The following COLEC12 variants were observed in gnomAD, a reference collection of about 807,000 sequenced individuals.
COLEC12 encodes collectin-12.
COLEC12 carries 33 observed loss-of-function variants against 71.1 expected under a neutral mutation model. The observed-to-expected ratio is 0.46, with a 90% CI of 0.35 to 0.62. The LOEUF (loss-of-function observed/expected upper bound fraction) is 0.62. Among genes scored for constraint, COLEC12 ranks in the 20% least tolerant of loss-of-function variants. The probability of loss-of-function intolerance (pLI) is 0.00; values close to 1 mark genes in which losing one functional copy is unlikely to be tolerated. For missense variants in COLEC12, 765 were observed against 916.1 expected (o/e 0.84, Z 2.13); for synonymous variants, 350 against 353.0 (o/e 0.99, Z 0.10).
intron 2 of COLEC12, among the ~76,000 whole-genome samples, chr18:455,501 T>A (rs941745879): frequency 5.9e-5 from 9 of 152,134 alleles, no homozygotes; most frequent in African/African-American, 2.2e-4. Flanking sequence ...TGTTTTACTT[T>A]AAGTTCTGGG....
chr18:349,752 C>T (rs569230476), intron 3 of COLEC12, among the ~76,000 whole-genome samples: 47 of 152,342 alleles, frequency 3.1e-4, no homozygotes, highest in East Asian at 2.5e-3. Flanking sequence ...CCGGGATGTG[C>T]GACCTGGAGT....
rs1481413182 is a variant in COLEC12 at position 347,006 on chromosome 18, G to A, written c.616C>T (p.Leu206Phe). ...ACCTGGGTCAGGTTCAGGTTGTTGA[G>A]GTTCATGATGACCACATTATGAGAA... ...MYSHNVVIMN[L>F]NNLNLTQVQQ... Residue 206 changes from leucine (L) to phenylalanine (F), a missense_variant, in exon 5 of 10, where the codon CTC becomes TTC. Transcript: ENST00000400256. The A allele has an allele frequency of 6.2e-7, 1 of 1,614,200 alleles. No homozygotes were observed. Among genetic ancestry groups the A allele is most frequent in the Non-Finnish European group, 8.5e-7 (1 of 1,180,032 alleles).
At chr18:443,095 A>T (rs972514225) in intron 2 of COLEC12, among the ~76,000 whole-genome samples, 1 of 152,238 alleles carries the variant, frequency 6.6e-6, no homozygotes, top group Non-Finnish European at 1.5e-5. Context: ...CTGTTCATTA[A>T]TTTTCTATAC....
chr18:332,938 C>A (rs1056279698), intron 7 of COLEC12, 69 bp downstream of exon 7: 4 of 1,362,764 alleles, frequency 2.9e-6, no homozygotes, highest in Non-Finnish European at 4.0e-6. Flanking sequence ...CCCCAACAAG[C>A]CTGCAATTTC....
At chr18:466,158 T>A (rs955193738) in intron 2 of COLEC12, among the ~76,000 whole-genome samples, 11 of 152,142 alleles carry the variant, frequency 7.2e-5, no homozygotes, top group Non-Finnish European at 1.5e-5. Context: ...GAGAATCACT[T>A]GAACCCGGGA....
At chr18:494,519 C>T (rs1917674761) in intron 1 of COLEC12, among the ~76,000 whole-genome samples, 1 of 152,182 alleles carries the variant, frequency 6.6e-6, no homozygotes, top group Non-Finnish European at 1.5e-5. Context: ...GGTTAAGTGA[C>T]TTGCCTGAGG....
intron 2 of COLEC12, among the ~76,000 whole-genome samples, chr18:409,237 G>A (rs187793191): frequency 1.3e-3 from 193 of 152,292 alleles, no homozygotes; most frequent in African/African-American, 4.5e-3. Context: ...AATGGTTTAG[G>A]CTGTAAAAGA....
rs75001816 is a variant in COLEC12, at chr18:399,089, G to A, written c.59-41567C>T. ...TGCAAAGCATTTTGGGACCACCCAT[G>A]TACACTGGGCTACTCTGTCAGCAGC... is the stretch of plus-strand genomic sequence containing the variant. On this transcript the variant is annotated intron_variant, in intron 2 of 9. Coordinates refer to ENST00000400256, the MANE Select transcript of COLEC12 (RefSeq NM_130386.3). The surrounding 1 kb of genome is among the most constrained non-coding windows in gnomAD (Gnocchi z 4.0). Among the ~76,000 whole-genome samples the A allele has an allele frequency of 0.037, 5,663 of 152,288 alleles. 173 individuals are homozygous for A. Among genetic ancestry groups the A allele is most frequent in the East Asian group, 0.18 (933 of 5,174 alleles).
chr18:450,342 G>T lies in COLEC12; in HGVS notation c.58+30365C>A, dbSNP rs572248310. On this transcript the variant is annotated intron_variant, in intron 2 of 9. Coordinates refer to ENST00000400256, the MANE Select transcript of COLEC12 (RefSeq NM_130386.3). Reference sequence around the variant, plus strand: ...GGGGGCCTGCTGGGAGGAGTGACTGGATCATAAGGGCAGAGCTCTCATGGA... The same window carrying T: ...GGGGGCCTGCTGGGAGGAGTGACTGTATCATAAGGGCAGAGCTCTCATGGA... 3.9e-3 allele frequency among the ~76,000 whole-genome samples: 598 copies of T among 152,286 alleles called. 5 individuals are homozygous for T. Among genetic ancestry groups the T allele is most frequent in the Middle Eastern group, 0.014 (4 of 292 alleles).
At chr18:356,564 G>T (rs531759099) in intron 3 of COLEC12, among the ~76,000 whole-genome samples, 1 of 152,178 alleles carries the variant, frequency 6.6e-6, no homozygotes, top group South Asian at 2.1e-4. Flanking sequence ...CAGTCTGTGG[G>T]CCACACAGCA....
At chr18:477,239 A>G (rs1268855440) in intron 2 of COLEC12, among the ~76,000 whole-genome samples, 1 of 152,202 alleles carries the variant, frequency 6.6e-6, no homozygotes, top group Non-Finnish European at 1.5e-5. Context: ...AAAGCACAAT[A>G]TTATTATGTA....
intron 2 of COLEC12, among the ~76,000 whole-genome samples, chr18:401,632 A>G (rs1207392170): frequency 6.6e-6 from 1 of 152,222 alleles, no homozygotes; most frequent in East Asian, 1.9e-4. Flanking sequence ...CTGGCCTTTG[A>G]TTCACAATGC....
chr18:400,182 G>A (rs977085599), intron 2 of COLEC12, among the ~76,000 whole-genome samples: 1 of 152,050 alleles, frequency 6.6e-6, no homozygotes, highest in Non-Finnish European at 1.5e-5. Context: ...ATTCTAATCT[G>A]GATAATCTCT....
intron 2 of COLEC12, among the ~76,000 whole-genome samples, chr18:384,871 G>T (rs1296638704): frequency 6.6e-6 from 1 of 152,202 alleles, no homozygotes. Flanking sequence ...GCACAGATAG[G>T]CTGGGACATA....
chr18:356,398 G>T (rs1914629629), intron 3 of COLEC12, among the ~76,000 whole-genome samples: 1 of 152,148 alleles, frequency 6.6e-6, no homozygotes, highest in Non-Finnish European at 1.5e-5. Flanking sequence ...TATTAAAAAT[G>T]GTAGGATCAA....
chr18:393,847 T>A (rs1269812484), intron 2 of COLEC12, among the ~76,000 whole-genome samples: 1 of 152,230 alleles, frequency 6.6e-6, no homozygotes, highest in Non-Finnish European at 1.5e-5. Flanking sequence ...GCCTAATAGA[T>A]GTTCAACAAA....
intron 1 of COLEC12, among the ~76,000 whole-genome samples, chr18:488,581 G>C (rs1402502464): frequency 6.6e-6 from 1 of 152,038 alleles, no homozygotes; most frequent in African/African-American, 2.4e-5. Context: ...TTAGAGGCTA[G>C]GTGCAGTGGC....
intron 1 of COLEC12, among the ~76,000 whole-genome samples, chr18:498,244 T>C (rs528567461): frequency 2.1e-4 from 32 of 152,224 alleles, no homozygotes; most frequent in Non-Finnish European, 4.1e-4. Flanking sequence ...TGGCACTTAG[T>C]AGGTACTAAA....
At chr18:352,132 A>G (rs1914536522) in intron 3 of COLEC12, among the ~76,000 whole-genome samples, 1 of 152,222 alleles carries the variant, frequency 6.6e-6, no homozygotes, top group Admixed American at 6.5e-5. Context: ...AGTTCTAATA[A>G]TCTGTACCTT....
Sources: gnomAD v4.1 joint callset for allele counts (sites outside exome capture counted in the v4.1 genomes callset) on GRCh38, gnomAD v4.1.1 for gene constraint, Gnocchi (gnomAD v3.1) non-coding constraint, MANE v1.5 for transcripts, NCBI Gene and HGNC (gene_info 2026-07-23, HGNC 2026-07-21) for gene names.